Variants in CALN1 observed in about 807,000 individuals in gnomAD.
CALN1 encodes the protein calcium-binding protein 8.
CALN1 carries 17 observed loss-of-function variants against 30.6 expected under a neutral mutation model. The ratio of observed to expected loss-of-function variants is 0.56; its 90% CI spans 0.38 to 0.83. The LOEUF (loss-of-function observed/expected upper bound fraction) is 0.83, where lower values mean the gene tolerates loss of function less well. Ranked by LOEUF, CALN1 falls within the 40% of genes least tolerant of loss-of-function variation. The pLI, the probability that CALN1 is intolerant of heterozygous loss-of-function variation, is 0.00. For missense variants in CALN1, 291 were observed against 354.9 expected, an observed-to-expected ratio of 0.82 and a Z score of 1.45; for synonymous variants, 156 against 131.4, an observed-to-expected ratio of 1.19 and a Z score of -1.28.
At chr7:72,050,935 C>T (rs1245633029) in intron 4 of CALN1, among the ~76,000 whole-genome samples, 9 of 151,534 alleles carry the variant, frequency 5.9e-5, no homozygotes, top group East Asian at 1.9e-4. Flanking sequence ...GAGGTTGCAG[C>T]GAGCCACGGT....
At chr7:71,907,449 T>G (rs1584488190) in intron 5 of CALN1, among the ~76,000 whole-genome samples, 2 of 152,150 alleles carry the variant, frequency 1.3e-5, no homozygotes, top group African/African-American at 2.4e-5. Context: ...GCATCAACTA[T>G]GAAGCACACC....
intron 2 of CALN1, among the ~76,000 whole-genome samples, chr7:72,302,582 G>C (rs1287851908): frequency 6.6e-6 from 1 of 152,016 alleles, no homozygotes; most frequent in Non-Finnish European, 1.5e-5. Context: ...AGCATACCAA[G>C]CCCCCATCTC....
At chr7:72,165,370 G>T (rs1028762624) in intron 3 of CALN1, among the ~76,000 whole-genome samples, 11 of 152,108 alleles carry the variant, frequency 7.2e-5, no homozygotes, top group Non-Finnish European at 1.3e-4. Context: ...GACCAGCCTG[G>T]CCAACAGGGT....
chr7:72,452,608 T>C, the CALN1 span, among the ~76,000 whole-genome samples: 2 of 152,136 alleles, frequency 1.3e-5, no homozygotes, highest in Admixed American at 1.3e-4. Flanking sequence ...TCTTGTACAG[T>C]CTGTGGAACT....
chr7:72,015,433 C>CTTTTTTTTTT, intron 5 of CALN1, among the ~76,000 whole-genome samples: 1 of 136,150 alleles, frequency 7.3e-6, no homozygotes, highest in Non-Finnish European at 1.5e-5. Context: ...TTCTTTCTTT[C>CTTTTTTTTTT]TTTTTTTTTT....
intron 1 of CALN1, among the ~76,000 whole-genome samples, chr7:72,439,940 C>G (rs752575566): frequency 3.4e-4 from 52 of 152,220 alleles, no homozygotes; most frequent in Non-Finnish European, 6.0e-4. Flanking sequence ...GTTGGTGTTG[C>G]TGTCTCAGGG....
At chr7:72,279,011 C>G (rs1314575134) in intron 2 of CALN1, among the ~76,000 whole-genome samples, 2 of 152,152 alleles carry the variant, frequency 1.3e-5, no homozygotes, top group African/African-American at 4.8e-5. Context: ...TTTCCCATTC[C>G]TTCACTGTAC....
intron 2 of CALN1, among the ~76,000 whole-genome samples, chr7:72,299,954 G>A (rs545598027): frequency 2.9e-4 from 44 of 152,160 alleles, no homozygotes; most frequent in African/African-American, 1.1e-3. Flanking sequence ...CTGGAGAGCA[G>A]TGGCACGATC....
intron 3 of CALN1, among the ~76,000 whole-genome samples, chr7:72,277,472 G>A (rs950525363): frequency 8.5e-5 from 13 of 152,118 alleles, no homozygotes; most frequent in African/African-American, 2.4e-4. Context: ...GTGAGCAGCC[G>A]CTATCCCTAG....
At position 72,035,225 on chromosome 7, in the gene CALN1, T is replaced by A. The variant is rs113785473; in HGVS notation, c.389-11456A>T. On this transcript the variant is annotated intron_variant, in intron 4 of 6. Coordinates refer to ENST00000395275, the MANE Select transcript of CALN1 (RefSeq NM_031468.4). ...TACCACCACCATCCATCCTCTGAAT[T>A]CTTTTCTTCTTGCAAAACTGAAACC... 2.7e-3 allele frequency among the ~76,000 whole-genome samples: 413 copies of A among 152,240 alleles called. 3 individuals carry two copies. The highest frequency in any genetic ancestry group is 9.5e-3 in the African/African-American group (393 of 41,550).
chr7:72,419,216 C>T lies in CALN1; in HGVS notation c.-225-6941G>A, dbSNP rs79476905. ...TTCTCACCCTACTGCTCCAAAATTCCGTGTTGCACATGATAATTGTGCAAA... is the reference window on the plus strand; with the variant it reads ...TTCTCACCCTACTGCTCCAAAATTCTGTGTTGCACATGATAATTGTGCAAA... On this transcript the variant is annotated intron_variant, in intron 1 of 6. Transcript: ENST00000395276. Among the ~76,000 whole-genome samples, 398 of 152,214 alleles carry T rather than the reference C, an allele frequency of 2.6e-3. 2 individuals carry two copies. The highest frequency in any genetic ancestry group is 9.3e-3 in the African/African-American group (388 of 41,530).
At chr7:72,404,012 C>T (rs1006325972) in intron 1 of CALN1, among the ~76,000 whole-genome samples, 1 of 152,172 alleles carries the variant, frequency 6.6e-6, no homozygotes, top group Non-Finnish European at 1.5e-5. Flanking sequence ...CAGGGCAGAC[C>T]TGCAACCCAT....
intron 4 of CALN1, among the ~76,000 whole-genome samples, chr7:72,061,501 A>T (rs1803643247): frequency 6.6e-6 from 1 of 152,080 alleles, no homozygotes; most frequent in African/African-American, 2.4e-5. Context: ...AAACAAGACT[A>T]CAATGAAAAT....
intron 5 of CALN1, among the ~76,000 whole-genome samples, chr7:71,817,912 G>A (rs2116285964): frequency 6.6e-6 from 1 of 151,732 alleles, no homozygotes; most frequent in Non-Finnish European, 1.5e-5. Flanking sequence ...CAAGGACCAT[G>A]AGTAGCATAT....
At chr7:72,151,969 C>T (rs892404938) in intron 3 of CALN1, among the ~76,000 whole-genome samples, 14 of 146,670 alleles carry the variant, frequency 9.5e-5, no homozygotes, top group African/African-American at 2.5e-4. Flanking sequence ...AGTGCAGTGG[C>T]GTGATTTCGG....
chr7:72,420,112 G>A (rs1289200104), intron 1 of CALN1, among the ~76,000 whole-genome samples: 4 of 152,180 alleles, frequency 2.6e-5, no homozygotes, highest in Non-Finnish European at 5.9e-5. Flanking sequence ...AGTGAAATGA[G>A]CCACTTCAGT....
intron 2 of CALN1, among the ~76,000 whole-genome samples, chr7:72,374,404 C>T (rs1265027981): frequency 6.6e-6 from 1 of 151,766 alleles, no homozygotes; most frequent in Non-Finnish European, 1.5e-5. Flanking sequence ...TGGAGGGCGC[C>T]TGTAATCTCA....
At chr7:72,357,162 G>C (rs944352584) in intron 2 of CALN1, among the ~76,000 whole-genome samples, 1 of 152,020 alleles carries the variant, frequency 6.6e-6, no homozygotes, top group Non-Finnish European at 1.5e-5. Context: ...ATACTTGCCA[G>C]ATAGAATACA....
intron 2 of CALN1, among the ~76,000 whole-genome samples, chr7:72,400,682 C>A (rs918531827): frequency 6.6e-6 from 1 of 152,178 alleles, no homozygotes; most frequent in Admixed American, 6.5e-5. Flanking sequence ...CCAGCCTGGT[C>A]AACATGGTGA....
Sources: gnomAD v4.1 joint callset for allele counts (sites outside exome capture counted in the v4.1 genomes callset) on GRCh38, gnomAD v4.1.1 for gene constraint, MANE v1.5 for transcripts, NCBI Gene and HGNC (gene_info 2026-07-23, HGNC 2026-07-21) for gene names.